Variants in JAG2 observed in about 807,000 individuals in gnomAD.
JAG2 encodes the protein jagged canonical Notch ligand 2, also known as protein jagged-2.
Under a neutral mutation model 141.7 loss-of-function variants are expected in JAG2, and 46 were observed. The observed-to-expected ratio is 0.32, with a 90% CI of 0.26 to 0.42. JAG2 has a LOEUF of 0.42. Among genes scored for constraint, JAG2 ranks in the 10% least tolerant of loss-of-function variants. JAG2 has a pLI of 1.00. For missense variants in JAG2, 1,500 were observed against 1,817.5 expected (o/e 0.83, Z 3.18); for synonymous variants, 862 against 763.5 (o/e 1.13, Z -2.13).
In JAG2 at chr14:105,147,049, A is replaced by T. The variant is rs1042695094; in HGVS notation, c.2479+277T>A. The T allele has an allele frequency of 1.3e-5, 8 of 601,758 alleles. No homozygotes were observed. The Admixed American group carries it at 2.3e-4, about 17-fold the overall frequency. 37.3% of individuals were successfully genotyped at this position (601,758 alleles called of 1,614,324 possible). A position where few individuals can be genotyped will look rare whatever the true frequency, so the allele number is the denominator to read the frequency against. On this transcript the variant is annotated intron_variant, in intron 20 of 25. Transcript: ENST00000331782. ...CCAGGGACAACAGCCCTGCGGCCAC[A>T]GAGGAGCCCACGTCAGGCTGCACGC...
chr14:105,158,140 G>C (rs1888632493), intron 2 of JAG2, among the ~76,000 whole-genome samples: 1 of 152,166 alleles, frequency 6.6e-6, no homozygotes, highest in African/African-American at 2.4e-5. Flanking sequence ...GGGCCCCATG[G>C]GCAGCCGGGA....
At chr14:105,144,788 G>T in intron 24 of JAG2, 142 bp downstream of exon 24, 1 of 1,096,306 alleles carries the variant, frequency 9.1e-7, no homozygotes. Context: ...CATGGACAGC[G>T]AGGGGCCGCA....
chr14:105,154,022 G>A lies in JAG2; in HGVS notation c.788+1540C>T, dbSNP rs57964198. On this transcript the variant is annotated intron_variant, in intron 5 of 25. Transcript: ENST00000331782. This position sits in a 1 kb window ranked among gnomAD's most constrained non-coding sequence, Gnocchi z 4.4. ...GGAATCCCTGTGTGTGCAAGTGACC[G>A]GGTGGGCGGCCCCAGCCCTGCTTGC... Among the ~76,000 whole-genome samples the A allele has an allele frequency of 8.8e-4, 134 of 152,278 alleles. 1 individual carries two copies. The East Asian group carries it at 0.024, about 27-fold the overall frequency.
chr14:105,149,199 C>CG lies in JAG2; in HGVS notation c.1723dup (p.Arg575ProfsTer51). On this transcript the variant is annotated frameshift_variant, in exon 13 of 26. Coordinates refer to ENST00000331782, the MANE Select transcript of JAG2 (RefSeq NM_002226.5). LOFTEE classifies it high-confidence loss of function. ...GCAGGCCCCGCCAGGGCACGGCTCG[C>CG]GGGGCACGGAGCAGTTCTTGCCACC... 1 of 1,611,950 alleles carries CG rather than the reference C, an allele frequency of 6.2e-7. No homozygotes were observed. The highest frequency in any genetic ancestry group is 8.5e-7 in the Non-Finnish European group (1 of 1,179,756).
intron 22 of JAG2, 91 bp downstream of exon 22, chr14:105,146,294 C>G: frequency 8.5e-7 from 1 of 1,175,688 alleles, no homozygotes; most frequent in Non-Finnish European, 1.3e-6. Flanking sequence ...TCCATCCGGA[C>G]CCCAGCACCC....
chr14:105,142,306 A>T lies in JAG2; in HGVS notation c.*389T>A, dbSNP rs1048401537. ...CCACACCAACACAGCCATGGGTCTC[A>T]CCGGCACTTTGGCCTGGAGCCACAG... On this transcript the variant is annotated 3_prime_UTR_variant, in exon 26 of 26. Coordinates refer to ENST00000331782, the MANE Select transcript of JAG2 (RefSeq NM_002226.5). 5 of 215,114 alleles carry T rather than the reference A, an allele frequency of 2.3e-5. No homozygotes were observed. Among genetic ancestry groups the T allele is most frequent in the Non-Finnish European group, 2.8e-5 (3 of 108,270 alleles). The allele number at this position is 215,114 out of a possible 1,614,324, so 13.3% of individuals were successfully genotyped here.
At chr14:105,165,404 A>G (rs779903178) in intron 2 of JAG2, among the ~76,000 whole-genome samples, 1 of 152,352 alleles carries the variant, frequency 6.6e-6, no homozygotes. Context: ...GCCAGGCACC[A>G]GAACCAACCC....
chr14:105,152,322 G>A (rs1418165082), intron 5 of JAG2, 31 bp from the exon 6 acceptor site: 1 of 1,607,828 alleles, frequency 6.2e-7, no homozygotes, highest in African/African-American at 1.3e-5. Context: ...GCAAGACCCA[G>A]TGAGCTGTGG....
chr14:105,161,791 C>T (rs1272584271), intron 2 of JAG2, among the ~76,000 whole-genome samples: 3 of 152,240 alleles, frequency 2.0e-5, no homozygotes, highest in Non-Finnish European at 2.9e-5. Context: ...CGAATAGCAA[C>T]CTCTCATCCC....
rs770409752 is a variant in JAG2 at position 105,142,749 on chromosome 14, C to T, written c.3663G>A (p.Val1221=). 5 of 1,609,990 alleles carry T rather than the reference C, an allele frequency of 3.1e-6. No homozygotes were observed. In the South Asian group the frequency reaches 5.5e-5, roughly 18 times the overall value. ...TGATGCTCCTGACCGCGCGGTTGTC[C>T]ACTTTGGGGCCTGAGGCCCAGTGGG... ...RPAHWASGPK[V]DNRAVRSINE... The change falls in exon 26 of 26, where the codon GTG becomes GTA. Residue 1221 remains valine (V), a synonymous_variant. Transcript: ENST00000331782.
At chr14:105,165,894 C>A (rs1190928811) in intron 2 of JAG2, among the ~76,000 whole-genome samples, 1 of 152,244 alleles carries the variant, frequency 6.6e-6, no homozygotes, top group Non-Finnish European at 1.5e-5. Flanking sequence ...CTCAGCTCAC[C>A]GCACAGAGCT....
In JAG2 at chr14:105,152,215, C is replaced by T. The variant is rs1363961305; in HGVS notation, c.865G>A (p.Glu289Lys). Residue 289 changes from glutamate to lysine, a missense_variant, in exon 6 of 26, where the codon GAG becomes AAG. Transcript: ENST00000331782. ...YPGCVHGSCV[E>K]PWQCNCETNW... Reference sequence around the variant, plus strand: ...GTCTCACAGTTGCACTGCCAGGGCTCCACACAACTGCCATGCACGCAGCCG... The same window carrying T: ...GTCTCACAGTTGCACTGCCAGGGCTTCACACAACTGCCATGCACGCAGCCG... 1.2e-6 allele frequency: 2 copies of T among 1,613,542 alleles called. No homozygotes were observed. Among genetic ancestry groups the T allele is most frequent in the East Asian group, 2.2e-5 (1 of 44,892 alleles).
At chr14:105,161,606 G>A (rs1595188229) in intron 2 of JAG2, among the ~76,000 whole-genome samples, 1 of 150,742 alleles carries the variant, frequency 6.6e-6, no homozygotes, top group African/African-American at 2.5e-5. Flanking sequence ...CTGGATGGCA[G>A]GAAGTCATCC....
Position 105,149,126 on chromosome 14 carries a change from C to A in JAG2, c.1754-37G>T, listed in dbSNP as rs375459787. 3.1e-5 allele frequency: 49 copies of A among 1,584,782 alleles called. No individual in the cohort carries two copies. In the African/African-American group the frequency reaches 6.3e-4, roughly 20 times the overall value. On this transcript the variant is annotated intron_variant, in intron 13 of 25. Coordinates refer to ENST00000331782, the MANE Select transcript of JAG2 (RefSeq NM_002226.5). ...AGTACAGTCAGGAGTCAGGCCCGCCCCTGCCCCACCACCTCCCCCACCACC... is the reference window on the plus strand; with the variant it reads ...AGTACAGTCAGGAGTCAGGCCCGCCACTGCCCCACCACCTCCCCCACCACC...
chr14:105,145,964 C>A lies in JAG2; in HGVS notation c.2719G>T (p.Gly907Ter). 1 of 1,592,038 alleles carries A rather than the reference C, an allele frequency of 6.3e-7. No homozygotes were observed. The highest frequency in any genetic ancestry group is 2.3e-5 in the East Asian group (1 of 43,802). ...GRRDCSKVWC[G>*]WKPCLLAGQP... ...CCGGCCAGCAGACAAGGCTTCCATC[C>A]GCACCACACCTGGGCAGGCACGCAC... is the stretch of plus-strand genomic sequence containing the variant. Residue 907 changes from glycine to a stop codon, truncating the protein, a stop_gained, in exon 23 of 26, where the codon GGA becomes TGA. Coordinates refer to ENST00000331782, the MANE Select transcript of JAG2 (RefSeq NM_002226.5). LOFTEE classifies it high-confidence loss of function.
At chr14:105,158,212 G>C (rs1381779173) in intron 2 of JAG2, among the ~76,000 whole-genome samples, 2 of 152,136 alleles carry the variant, frequency 1.3e-5, no homozygotes, top group Non-Finnish European at 2.9e-5. Context: ...GGGGGAGAAC[G>C]TGGGGCCCCA....
intron 2 of JAG2, among the ~76,000 whole-genome samples, chr14:105,166,024 G>C (rs1276606872): frequency 6.6e-6 from 1 of 152,236 alleles, no homozygotes; most frequent in African/African-American, 2.4e-5. Flanking sequence ...CAGGAGACCA[G>C]GGCTGCCCCC....
Position 105,151,051 on chromosome 14 carries a change from G to A in JAG2, c.1321C>T (p.Leu441=). The A allele has an allele frequency of 3.7e-6, 6 of 1,613,432 alleles. No individual in the cohort carries two copies. The highest frequency in any genetic ancestry group is 5.1e-6 in the Non-Finnish European group (6 of 1,179,828). ...PCLNAFSCKN[L]IGGYYCDCIP... ...CAATCACAGTAATAGCCGCCAATCA[G>A]GTTTTTGCAAGAAAAAGCGTTAAGG... Residue 441 remains leucine (L), a synonymous_variant, in exon 10 of 26, where the codon CTG becomes TTG. Coordinates refer to ENST00000331782, the MANE Select transcript of JAG2 (RefSeq NM_002226.5).
chr14:105,166,075 G>A (rs1425821967), intron 2 of JAG2, among the ~76,000 whole-genome samples: 2 of 152,210 alleles, frequency 1.3e-5, no homozygotes. Context: ...CCAACCCAGA[G>A]ACAGGCCGCC....
Sources: allele counts gnomAD v4.1 joint callset (sites outside exome capture counted in the v4.1 genomes callset), GRCh38; gene constraint gnomAD v4.1.1; non-coding constraint Gnocchi (gnomAD v3.1); transcripts MANE v1.5; gene names NCBI Gene and HGNC (gene_info 2026-07-23, HGNC 2026-07-21).